PALMD: variants seen among roughly 807,000 people sequenced by gnomAD.
PALMD encodes the protein paralemmin-like protein.
Under a neutral mutation model 56.2 loss-of-function variants are expected in PALMD, and 42 were observed. That is an observed-to-expected ratio of 0.75 (90% confidence interval 0.58 to 0.97). The LOEUF is 0.97. PALMD is among the 50% of genes least tolerant of loss of function. The pLI is 0.00. For missense variants in PALMD, 660 were observed against 643.8 expected (o/e 1.03, Z -0.27); for synonymous variants, 242 against 222.9 (o/e 1.09, Z -0.76).
chr1:99,678,116 T>C (rs545708275), intron 3 of PALMD, among the ~76,000 whole-genome samples: 73 of 151,612 alleles, frequency 4.8e-4, no homozygotes, highest in Admixed American at 4.8e-3. Flanking sequence ...TTTTCTATTT[T>C]TTTTTTTTTT....
At chr1:99,693,068 AG>A (rs1342969899) in intron 7 of PALMD, among the ~76,000 whole-genome samples, 2 of 152,230 alleles carry the variant, frequency 1.3e-5, no homozygotes, top group African/African-American at 4.8e-5. Flanking sequence ...TTGTGCAAAA[AG>A]GTTTCTTAGG....
At chr1:99,649,575 A>G (rs544807230) in intron 1 of PALMD, among the ~76,000 whole-genome samples, 3 of 152,312 alleles carry the variant, frequency 2.0e-5, no homozygotes, top group African/African-American at 7.2e-5. Context: ...CACACTGAAG[A>G]ACAACGAAAA....
At chr1:99,667,791 A>G (rs749275317) in intron 3 of PALMD, 25 bp downstream of exon 3, 8 of 1,602,824 alleles carry the variant, frequency 5.0e-6, no homozygotes, top group African/African-American at 2.7e-5. Flanking sequence ...GAGATACTCC[A>G]CAACTACCTT....
At chr1:99,671,753 T>C (rs1459928955) in intron 3 of PALMD, among the ~76,000 whole-genome samples, 1 of 152,190 alleles carries the variant, frequency 6.6e-6, no homozygotes, top group African/African-American at 2.4e-5. Context: ...GGCATTGTGC[T>C]AAACATTTCA....
intron 1 of PALMD, among the ~76,000 whole-genome samples, chr1:99,651,062 A>G (rs1330297908): frequency 1.3e-5 from 2 of 152,226 alleles, no homozygotes; most frequent in Non-Finnish European, 2.9e-5. Context: ...GGAGCTTCCA[A>G]AGAAATTCAC....
chr1:99,688,400 T>C (rs900464696), intron 6 of PALMD, among the ~76,000 whole-genome samples: 1 of 152,172 alleles, frequency 6.6e-6, no homozygotes, highest in Admixed American at 6.5e-5. Context: ...AGAGATTGAT[T>C]CTGCCCATTG....
intron 3 of PALMD, among the ~76,000 whole-genome samples, chr1:99,673,325 A>G (rs1386437047): frequency 1.3e-5 from 2 of 152,184 alleles, no homozygotes; most frequent in Non-Finnish European, 2.9e-5. Flanking sequence ...GTGCAGGTCA[A>G]TTGTACCTTA....
chr1:99,677,295 T>C (rs1272081282), intron 3 of PALMD, among the ~76,000 whole-genome samples: 2 of 152,132 alleles, frequency 1.3e-5, no homozygotes, highest in Non-Finnish European at 2.9e-5. Flanking sequence ...CTACAATTCA[T>C]TCCCCATAAA....
intron 3 of PALMD, chr1:99,669,200 GA>G (rs1235217317): frequency 6.6e-6 from 1 of 152,036 alleles, no homozygotes; most frequent in Non-Finnish European, 1.5e-5. Flanking sequence ...CTTGTATATT[GA>G]ATAGCTAAAA....
chr1:99,665,125 T>C lies in PALMD; in HGVS notation c.127-2517T>C, dbSNP rs141377723. 1.6e-3 allele frequency among the ~76,000 whole-genome samples: 243 copies of C among 152,268 alleles called. 5 individuals are homozygous for C. In the East Asian group the frequency reaches 0.041, roughly 26 times the overall value. ...TACAGTCAATCTGAAAAATTTTTGA[T>C]TTCCATGAGTCCGTTCAATTCAATC... On this transcript the variant is annotated intron_variant, in intron 2 of 7. Coordinates refer to ENST00000263174, the MANE Select transcript of PALMD (RefSeq NM_017734.5).
At chr1:99,678,385 C>T (rs771473711) in intron 3 of PALMD, among the ~76,000 whole-genome samples, 1 of 152,018 alleles carries the variant, frequency 6.6e-6, no homozygotes, top group Non-Finnish European at 1.5e-5. Context: ...GATTACAGGC[C>T]TAAGCCACCA....
intron 1 of PALMD, among the ~76,000 whole-genome samples, chr1:99,652,699 A>AGAAAG (rs1652621044): frequency 1.2e-4 from 10 of 83,508 alleles, no homozygotes; most frequent in Non-Finnish European, 1.8e-4. Flanking sequence ...GGAAAGGAAA[A>AGAAAG]GAAAAGAAAA....
chr1:99,668,944 A>C (rs1295651256), intron 3 of PALMD: 2 of 152,214 alleles, frequency 1.3e-5, no homozygotes, highest in African/African-American at 4.8e-5. Context: ...CACGACAACA[A>C]ATTAAAGTCT....
At chr1:99,661,967 C>T (rs6695385) in intron 1 of PALMD, among the ~76,000 whole-genome samples, 209 of 152,288 alleles carry the variant, frequency 1.4e-3, no homozygotes, top group African/African-American at 4.7e-3. Flanking sequence ...TCTCTTCTCA[C>T]GATGTTTCCT....
At chr1:99,667,810 C>T in intron 3 of PALMD, 44 bp downstream of exon 3, 1 of 1,570,890 alleles carries the variant, frequency 6.4e-7, no homozygotes, top group Non-Finnish European at 8.8e-7. Context: ...TTTATTTTGA[C>T]TTTATCCCAT....
chr1:99,687,404 A>G (rs1653528152), intron 6 of PALMD, among the ~76,000 whole-genome samples: 2 of 152,202 alleles, frequency 1.3e-5, no homozygotes, highest in Admixed American at 1.3e-4. Flanking sequence ...CAAACCAGAC[A>G]GGGATAAGGA....
intron 2 of PALMD, among the ~76,000 whole-genome samples, chr1:99,662,866 C>T (rs187650308): frequency 1.3e-5 from 2 of 152,208 alleles, no homozygotes; most frequent in Admixed American, 1.3e-4. Context: ...GAGTATGCTT[C>T]GGGTTTTTGT....
intron 3 of PALMD, among the ~76,000 whole-genome samples, chr1:99,680,194 T>A (rs1653307133): frequency 6.6e-6 from 1 of 152,196 alleles, no homozygotes. Context: ...CCAGCATTTA[T>A]GTGCTGTCCT....
intron 3 of PALMD, chr1:99,669,506 C>T (rs577787526): frequency 1.1e-4 from 16 of 152,290 alleles, no homozygotes; most frequent in African/African-American, 3.4e-4. Context: ...CTGAAGGAGT[C>T]CTGAATTTAA....
Sources: gnomAD v4.1 joint callset for allele counts (sites outside exome capture counted in the v4.1 genomes callset) on GRCh38, gnomAD v4.1.1 for gene constraint, MANE v1.5 for transcripts, NCBI Gene and HGNC (gene_info 2026-07-23, HGNC 2026-07-21) for gene names.